The following POFUT3 variants were observed in gnomAD, a reference collection of about 807,000 sequenced individuals.
POFUT3 encodes protein O-fucosyltransferase 3.
the POFUT3 span, among the ~76,000 whole-genome samples, chr8:33,427,196 G>A: frequency 6.6e-6 from 1 of 152,156 alleles, no homozygotes; most frequent in Non-Finnish European, 1.5e-5. Flanking sequence ...ATAGTGGCAT[G>A]CATCTACCAT....
chr8:33,396,469 C>T, the POFUT3 span, among the ~76,000 whole-genome samples: 1 of 152,188 alleles, frequency 6.6e-6, no homozygotes, highest in Non-Finnish European at 1.5e-5. Flanking sequence ...CAAGTTTTCT[C>T]TTGCTGTCTT....
the POFUT3 span, among the ~76,000 whole-genome samples, chr8:33,384,050 C>T: frequency 1.3e-5 from 2 of 152,012 alleles, no homozygotes; most frequent in Non-Finnish European, 2.9e-5. Context: ...CTGGTATCTA[C>T]ACAGGATCAA....
chr8:33,437,109 A>G, the POFUT3 span, among the ~76,000 whole-genome samples: 47 of 152,220 alleles, frequency 3.1e-4, no homozygotes, highest in African/African-American at 1.1e-3. Context: ...GCTATTTTTT[A>G]TGGCTGTGTA....
At chr8:33,385,444 G>A in the POFUT3 span, among the ~76,000 whole-genome samples, 1 of 152,176 alleles carries the variant, frequency 6.6e-6, no homozygotes, top group African/African-American at 2.4e-5. Context: ...AGGGTCTGTC[G>A]AGGACGGGGC....
the POFUT3 span, among the ~76,000 whole-genome samples, chr8:33,420,336 A>C: frequency 6.6e-6 from 1 of 152,204 alleles, no homozygotes; most frequent in South Asian, 2.1e-4. Flanking sequence ...AGTATTTTCA[A>C]AGTCTTAGTA....
the POFUT3 span, among the ~76,000 whole-genome samples, chr8:33,429,109 A>C: frequency 6.6e-6 from 1 of 152,120 alleles, no homozygotes; most frequent in South Asian, 2.1e-4. Context: ...CCTTACAAAA[A>C]CCCTAAAGAA....
chr8:33,453,460 A>G, the POFUT3 span: 1 of 1,613,726 alleles, frequency 6.2e-7, no homozygotes, highest in African/African-American at 1.3e-5. Context: ...CATCTTGCAA[A>G]CTGGAACTTT....
chr8:33,310,970 A>C, the POFUT3 span, among the ~76,000 whole-genome samples: 1 of 152,224 alleles, frequency 6.6e-6, no homozygotes, highest in African/African-American at 2.4e-5. Context: ...TCAGAGACTT[A>C]AGCTATTTTT....
chr8:33,382,566 T>G, the POFUT3 span, among the ~76,000 whole-genome samples: 50,004 of 151,922 alleles, frequency 0.33, 10,198 homozygotes, highest in East Asian at 0.56. Flanking sequence ...TCACTGCAGC[T>G]TGCACAAGAT....
At chr8:33,458,581 T>C in the POFUT3 span, among the ~76,000 whole-genome samples, 1 of 151,930 alleles carries the variant, frequency 6.6e-6, no homozygotes, top group Admixed American at 6.6e-5. Context: ...CCAGGTGTGG[T>C]GGCAGGCACC....
chr8:33,407,836 C>T, the POFUT3 span, among the ~76,000 whole-genome samples: 5 of 151,196 alleles, frequency 3.3e-5, no homozygotes, highest in African/African-American at 2.4e-5. Flanking sequence ...AACCCTGTCT[C>T]TACTAAAAAT....
chr8:33,368,196 C>A, the POFUT3 span, among the ~76,000 whole-genome samples: 1 of 152,120 alleles, frequency 6.6e-6, no homozygotes, highest in Non-Finnish European at 1.5e-5. Flanking sequence ...AAGAAGGTAT[C>A]TGCTGGTCAT....
the POFUT3 span, among the ~76,000 whole-genome samples, chr8:33,456,361 A>G: frequency 2.2e-4 from 34 of 151,732 alleles, no homozygotes; most frequent in African/African-American, 7.5e-4. Context: ...TTTATTTTTT[A>G]TTTTTTTATT....
chr8:33,387,948 T>C, the POFUT3 span, among the ~76,000 whole-genome samples: 31 of 152,350 alleles, frequency 2.0e-4, no homozygotes, highest in African/African-American at 6.7e-4. Context: ...AAGTAATCTT[T>C]TTCTTTCAAC....
chr8:33,457,072 C>T, the POFUT3 span, among the ~76,000 whole-genome samples: 1 of 150,878 alleles, frequency 6.6e-6, no homozygotes, highest in Non-Finnish European at 1.5e-5. Flanking sequence ...CCCGGCCAAA[C>T]CTTTTAAGAG....
chr8:33,314,132 T>C, the POFUT3 span, among the ~76,000 whole-genome samples: 1 of 152,140 alleles, frequency 6.6e-6, no homozygotes, highest in African/African-American at 2.4e-5. Flanking sequence ...CCTGCTAATG[T>C]TTAAAAAGAA....
At chr8:33,389,651 C>T in the POFUT3 span, 4 of 1,614,034 alleles carry the variant, frequency 2.5e-6, no homozygotes, top group Non-Finnish European at 3.4e-6. Flanking sequence ...GTGGGAATGC[C>T]TGCTGAACGT....
At chr8:33,448,912 T>C in the POFUT3 span, among the ~76,000 whole-genome samples, 1 of 151,976 alleles carries the variant, frequency 6.6e-6, no homozygotes, top group Non-Finnish European at 1.5e-5. Flanking sequence ...CCAGCCTGGG[T>C]GACAGAATGA....
At chr8:33,394,554 C>T in the POFUT3 span, among the ~76,000 whole-genome samples, 1 of 152,042 alleles carries the variant, frequency 6.6e-6, no homozygotes, top group African/African-American at 2.4e-5. Flanking sequence ...CACTGTAAGC[C>T]AGTGATAAAG....
Sources: allele counts gnomAD v4.1 joint callset (sites outside exome capture counted in the v4.1 genomes callset), GRCh38; gene constraint gnomAD v4.1.1; transcripts MANE v1.5; gene names NCBI Gene and HGNC (gene_info 2026-07-23, HGNC 2026-07-21).